EIF4G3: variants seen among roughly 807,000 people sequenced by gnomAD.
EIF4G3 encodes the protein eukaryotic translation initiation factor 4 gamma 3, also known as eIF-4-gamma 3.
A neutral mutation model predicts 186.4 loss-of-function variants in EIF4G3; 34 were observed. That is an observed-to-expected ratio of 0.18 (90% CI 0.14 to 0.24). The LOEUF is 0.24. EIF4G3 is among the 10% of genes least tolerant of loss of function. EIF4G3 has a pLI of 1.00. For missense variants in EIF4G3, 1,536 were observed against 1,948.5 expected, an observed-to-expected ratio of 0.79 and a Z score of 3.99; for synonymous variants, 673 against 679.5, an observed-to-expected ratio of 0.99 and a Z score of 0.15.
At chr1:21,084,582 T>A (rs1450567960) in intron 3 of EIF4G3, among the ~76,000 whole-genome samples, 2 of 152,176 alleles carry the variant, frequency 1.3e-5, no homozygotes, top group African/African-American at 4.8e-5. Flanking sequence ...CATAATCTGA[T>A]GTCTCAAATC....
At chr1:21,176,082 G>C in intron 2 of EIF4G3, 93 bp downstream of exon 2, 1 of 257,484 alleles carries the variant, frequency 3.9e-6, no homozygotes, top group Non-Finnish European at 7.3e-6. Flanking sequence ...TGGCTGGGCT[G>C]TGGCGGCCGG....
In EIF4G3 at chr1:21,132,721, T is replaced by C. The variant is rs187426588; in HGVS notation, c.-272+43454A>G. On this transcript the variant is annotated intron_variant, in intron 2 of 36. Transcript: ENST00000602326. ...TCCCAAAATGCTAGAAGCACAGGCATGAGCTACCATGCCCAGCTTTCATAG... is the reference window on the plus strand; with the variant it reads ...TCCCAAAATGCTAGAAGCACAGGCACGAGCTACCATGCCCAGCTTTCATAG... 3.0e-4 allele frequency among the ~76,000 whole-genome samples: 46 copies of C among 152,162 alleles called. 1 individual carries two copies. The Middle Eastern group carries it at 0.01, about 34-fold the overall frequency.
intron 13 of EIF4G3, among the ~76,000 whole-genome samples, chr1:20,946,672 T>C (rs1304700065): frequency 2.0e-5 from 3 of 152,148 alleles, no homozygotes; most frequent in Non-Finnish European, 4.4e-5. Flanking sequence ...ACCACGATTG[T>C]TGGGGTAGAA....
chr1:21,051,043 C>A, intron 3 of EIF4G3, 49 bp from the exon 4 acceptor site: 1 of 712,848 alleles, frequency 1.4e-6, no homozygotes, highest in African/African-American at 1.8e-5. Flanking sequence ...GTAAATCAAT[C>A]TTAATAAATA....
chr1:21,020,612 A>T (rs953947082), intron 4 of EIF4G3, among the ~76,000 whole-genome samples: 8 of 152,378 alleles, frequency 5.3e-5, no homozygotes, highest in African/African-American at 1.9e-4. Context: ...AACGATGTCC[A>T]AGTCAGGTCC....
chr1:21,067,384 T>C (rs1400928416), intron 3 of EIF4G3, among the ~76,000 whole-genome samples: 5 of 152,102 alleles, frequency 3.3e-5, no homozygotes, highest in African/African-American at 7.2e-5. Context: ...CTGCCCACCA[T>C]AGCCTCCTAA....
chr1:21,113,366 G>C (rs1390856056), intron 2 of EIF4G3, among the ~76,000 whole-genome samples: 1 of 151,614 alleles, frequency 6.6e-6, no homozygotes, highest in Non-Finnish European at 1.5e-5. Flanking sequence ...ATTCTTACAT[G>C]TGCTTCTGCA....
In EIF4G3 at chr1:21,058,734, T is replaced by C. The variant is rs906821837; in HGVS notation, c.-195-7740A>G. On this transcript the variant is annotated intron_variant, in intron 3 of 36. Transcript: ENST00000602326. The stretch of plus-strand genomic sequence containing the variant: ...CTCTCTCTCTCTTTTTTTTTTTTTT[T>C]TTTTTTTTTTTTTTTGTAGAGACAA... 4.9e-4 allele frequency among the ~76,000 whole-genome samples: 64 copies of C among 131,152 alleles called. 1 individual carries two copies. Among genetic ancestry groups the C allele is most frequent in the African/African-American group, 1.4e-3 (48 of 33,352 alleles). 86.0% of individuals were successfully genotyped at this position (131,152 alleles called of 152,430 possible). A position where few individuals can be genotyped will look rare whatever the true frequency, so the allele number is the denominator to read the frequency against.
intron 25 of EIF4G3, 55 bp downstream of exon 25, chr1:20,857,348 T>G (rs12728404): frequency 0.035 from 46,640 of 1,350,778 alleles, 977 homozygotes; most frequent in Non-Finnish European, 0.039. Flanking sequence ...GTGTGTGTTT[T>G]AATATCAAAG....
At chr1:21,029,804 T>A (rs2092568822) in intron 4 of EIF4G3, among the ~76,000 whole-genome samples, 1 of 152,122 alleles carries the variant, frequency 6.6e-6, no homozygotes, top group Non-Finnish European at 1.5e-5. Context: ...AGGACTGGCA[T>A]GGGATAGGAA....
intron 7 of EIF4G3, among the ~76,000 whole-genome samples, chr1:20,991,844 G>A (rs186479285): frequency 2.6e-5 from 4 of 152,278 alleles, no homozygotes; most frequent in African/African-American, 7.2e-5. Flanking sequence ...AAGGGGAAAG[G>A]CAGGTAGTCT....
At chr1:20,860,363 C>A in intron 24 of EIF4G3, 22 bp downstream of exon 24, 1 of 1,613,558 alleles carries the variant, frequency 6.2e-7, no homozygotes, top group Non-Finnish European at 8.5e-7. Context: ...GTTCTCTAAA[C>A]CCTGGTGGAT....
chr1:20,976,949 G>C (rs2076972815), intron 10 of EIF4G3, among the ~76,000 whole-genome samples: 1 of 152,054 alleles, frequency 6.6e-6, no homozygotes, highest in Non-Finnish European at 1.5e-5. Context: ...AAAGAAATGA[G>C]AGAAGTTCTA....
chr1:20,913,513 G>A (rs959554088), intron 14 of EIF4G3, among the ~76,000 whole-genome samples: 1 of 152,172 alleles, frequency 6.6e-6, no homozygotes, highest in African/African-American at 2.4e-5. Context: ...CTGTGTGACA[G>A]AGCAAGAACC....
At chr1:20,834,956 C>T (rs1325698339) in intron 30 of EIF4G3, among the ~76,000 whole-genome samples, 2 of 152,150 alleles carry the variant, frequency 1.3e-5, no homozygotes, top group African/African-American at 4.8e-5. Flanking sequence ...ACATTCTCCC[C>T]AATAGATCAT....
intron 23 of EIF4G3, 26 bp downstream of exon 23, chr1:20,862,201 CT>C: frequency 7.3e-7 from 1 of 1,371,386 alleles, no homozygotes; most frequent in Non-Finnish European, 1.0e-6. Flanking sequence ...GACCAGCAGG[CT>C]TATTATTATT....
chr1:20,870,622 T>C (rs944736074), intron 20 of EIF4G3, among the ~76,000 whole-genome samples: 1 of 152,184 alleles, frequency 6.6e-6, no homozygotes, highest in African/African-American at 2.4e-5. Flanking sequence ...CAATTATAAT[T>C]AAGACAAAAG....
chr1:21,020,026 C>T (rs1315197825), intron 4 of EIF4G3, among the ~76,000 whole-genome samples: 1 of 152,222 alleles, frequency 6.6e-6, no homozygotes, highest in Non-Finnish European at 1.5e-5. Flanking sequence ...ACTATTGCAA[C>T]TGCCAATCTG....
chr1:20,898,236 TG>T (rs2089033883), intron 16 of EIF4G3, among the ~76,000 whole-genome samples: 1 of 152,148 alleles, frequency 6.6e-6, no homozygotes, highest in Admixed American at 6.5e-5. Context: ...GGGCTGGGCA[TG>T]GGAGCACTTT....
Sources: allele counts gnomAD v4.1 joint callset (sites outside exome capture counted in the v4.1 genomes callset), GRCh38; gene constraint gnomAD v4.1.1; transcripts MANE v1.5; gene names NCBI Gene and HGNC (gene_info 2026-07-23, HGNC 2026-07-21).